Variants in MED16 observed in about 807,000 individuals in gnomAD.
MED16 encodes mediator complex subunit 16.
MED16 carries 81 observed loss-of-function variants against 84.4 expected under a neutral mutation model. That is an observed-to-expected ratio of 0.96 (90% CI 0.80 to 1.15). MED16 has a LOEUF of 1.15. Among genes scored for constraint, MED16 ranks in the 50% most tolerant of loss-of-function variants. The pLI is 0.00. For missense variants in MED16, 1,585 were observed against 1,245.9 expected (o/e 1.27, Z -4.10); for synonymous variants, 897 against 552.2 (o/e 1.62, Z -8.76).
intron 11 of MED16, chr19:872,856 G>C (rs1213758993): frequency 2.9e-6 from 2 of 681,028 alleles, no homozygotes; most frequent in African/African-American, 2.0e-5. Context: ...AGCAGGGCCT[G>C]GGAGGCGGGG....
chr19:881,094 G>A (rs4806813), intron 7 of MED16, among the ~76,000 whole-genome samples: 25,462 of 152,050 alleles, frequency 0.17, 2,722 homozygotes, highest in East Asian at 0.58. Context: ...AAGAACGGGA[G>A]CTGGGGGAAG....
At chr19:887,270 G>A (rs1370275105) in intron 4 of MED16, among the ~76,000 whole-genome samples, 1 of 152,186 alleles carries the variant, frequency 6.6e-6, no homozygotes, top group African/African-American at 2.4e-5. Flanking sequence ...TTGCCATGGC[G>A]ACGACTCATC....
At chr19:887,122 T>C (rs1305909379) in intron 4 of MED16, among the ~76,000 whole-genome samples, 1 of 150,602 alleles carries the variant, frequency 6.6e-6, no homozygotes, top group Non-Finnish European at 1.5e-5. Flanking sequence ...CTCTACGTTG[T>C]GAAAAAATGC....
chr19:870,031 C>T (rs1300605469), intron 13 of MED16, among the ~76,000 whole-genome samples: 1 of 152,198 alleles, frequency 6.6e-6, no homozygotes, highest in Non-Finnish European at 1.5e-5. Flanking sequence ...TTGGGTTGCC[C>T]AAACCCCGCA....
chr19:888,387 G>A (rs2145252347), intron 4 of MED16, among the ~76,000 whole-genome samples: 1 of 151,788 alleles, frequency 6.6e-6, no homozygotes, highest in South Asian at 2.1e-4. Context: ...AGCCAGGTGT[G>A]GTGGTGGGTG....
At position 889,726 on chromosome 19, in the gene MED16, C is replaced by T. The variant is rs2036594932; in HGVS notation, c.359G>A (p.Ser120Asn). Residue 120 changes from serine to asparagine, a missense_variant, in exon 4 of 16, where the codon AGC becomes AAC. Physicochemically the swap from Ser to Asn is conservative, Grantham distance 46. Transcript: ENST00000325464. ...CCCCTCCACTAGGCTGCCCACTGAG[C>T]TCTCCCAGCTATTAGCCAGGTGGTC... is the stretch of plus-strand genomic sequence containing the variant. ...MADHLANSWESSVGSLVEGDP... is the reference protein window; with the variant it reads ...MADHLANSWENSVGSLVEGDP... 1.9e-6 allele frequency: 3 copies of T among 1,613,734 alleles called. No individual in the cohort carries two copies. Among genetic ancestry groups the T allele is most frequent in the South Asian group, 2.2e-5 (2 of 91,026 alleles).
At chr19:883,683 C>T (rs2036466812) in intron 6 of MED16, among the ~76,000 whole-genome samples, 1 of 152,128 alleles carries the variant, frequency 6.6e-6, no homozygotes, top group East Asian at 1.9e-4. Flanking sequence ...CAGGACTGCC[C>T]AGTGGCTTGG....
chr19:871,572 C>T (rs889877598), intron 12 of MED16: 4 of 1,594,774 alleles, frequency 2.5e-6, no homozygotes, highest in Non-Finnish European at 3.4e-6. Flanking sequence ...CTCACATACA[C>T]ACAACCCGAC....
At chr19:883,649 G>A (rs989176803) in intron 6 of MED16, among the ~76,000 whole-genome samples, 71 of 152,248 alleles carry the variant, frequency 4.7e-4, no homozygotes, top group African/African-American at 1.7e-3. Flanking sequence ...ACGGCTGCAG[G>A]AGACGAGGAG....
chr19:880,527 A>G (rs899132707), intron 7 of MED16, among the ~76,000 whole-genome samples: 2 of 151,414 alleles, frequency 1.3e-5, no homozygotes, highest in African/African-American at 4.9e-5. Context: ...TGGGGCTGTC[A>G]CTCACACTGG....
intron 6 of MED16, 121 bp downstream of exon 6, chr19:884,782 C>T (rs2965294): frequency 1.1e-5 from 8 of 720,170 alleles, no homozygotes; most frequent in Admixed American, 4.6e-5. Context: ...CGAGGCGAGA[C>T]GATCGCTTAG....
intron 10 of MED16, among the ~76,000 whole-genome samples, chr19:873,892 G>GC (rs1399980460): frequency 6.6e-6 from 1 of 152,100 alleles, no homozygotes; most frequent in Non-Finnish European, 1.5e-5. Flanking sequence ...GTGCACATCT[G>GC]CCCCCTGCTC....
intron 6 of MED16, among the ~76,000 whole-genome samples, chr19:884,099 G>C (rs1048884776): frequency 1.3e-5 from 2 of 152,106 alleles, no homozygotes; most frequent in African/African-American, 4.8e-5. Context: ...TGCCCCACCT[G>C]CCCCACGTGC....
At chr19:879,371 GCCCCA>G (rs2036355819) in intron 8 of MED16, among the ~76,000 whole-genome samples, 1 of 99,878 alleles carries the variant, frequency 1.0e-5, no homozygotes, top group Non-Finnish European at 2.0e-5. Flanking sequence ...ATGCCCACCA[GCCCCA>G]GCCGCACATG....
Position 872,931 on chromosome 19 carries a change from A to AGGAGGGCTCCGAGGTGGG in MED16, c.1905+500_1905+517dup, listed in dbSNP as rs545538885. The AGGAGGGCTCCGAGGTGGG allele has an allele frequency of 1.3e-5, 13 of 984,740 alleles. No individual in the cohort carries two copies. In the African/African-American group the frequency reaches 1.4e-4, roughly 10 times the overall value. 61.0% of individuals were successfully genotyped at this position (984,740 alleles called of 1,614,324 possible). ...TTCTTACAGCAGAGGCTTCATGGAG[A>AGGAGGGCTCCGAGGTGGG]GGAGGGCTCCGAGGTGGGGGAGGGC... is the stretch of plus-strand genomic sequence containing the variant. On this transcript the variant is annotated intron_variant, in intron 11 of 15. Transcript: ENST00000325464.
At chr19:869,709 C>T (rs1377412020) in intron 13 of MED16, among the ~76,000 whole-genome samples, 4 of 152,182 alleles carry the variant, frequency 2.6e-5, no homozygotes, top group Non-Finnish European at 4.4e-5. Flanking sequence ...GGGCCTTCCC[C>T]GGAGCAGGGC....
Position 871,020 on chromosome 19 carries a change from T to G in MED16, c.2315+17A>C, listed in dbSNP as rs1015893573. 4 of 1,533,920 alleles carry G rather than the reference T, an allele frequency of 2.6e-6. No homozygotes were observed. Among genetic ancestry groups the G allele is most frequent in the Non-Finnish European group, 3.5e-6 (4 of 1,135,960 alleles). ...AAGGAGTCCTGTGTTTGGGGACCAA[T>G]GCAGGGACACACGCACCTGGCGAGG... On this transcript the variant is annotated intron_variant, in intron 13 of 15. Coordinates refer to ENST00000325464, the MANE Select transcript of MED16 (RefSeq NM_005481.3).
Position 871,210 on chromosome 19 carries a change from C to A in MED16, c.2142G>T (p.Val714=), listed in dbSNP as rs2036043531. The A allele has an allele frequency of 1.3e-6, 2 of 1,549,758 alleles. No homozygotes were observed. Among genetic ancestry groups the A allele is most frequent in the Non-Finnish European group, 1.7e-6 (2 of 1,146,144 alleles). Residue 714 remains valine, a synonymous_variant, in exon 13 of 16, where the codon GTG becomes GTT. Transcript: ENST00000325464. Reference sequence around the variant, plus strand: ...GGCTGGGCAGCAGGCAGCATTCATCCACCAGCGCCTCGTCCGGCTCGCTCG... The same window carrying A: ...GGCTGGGCAGCAGGCAGCATTCATCAACCAGCGCCTCGTCCGGCTCGCTCG... ...GPASEPDEAL[V]DECCLLPSQL... is the part of the protein sequence containing the mutation.
chr19:887,361 T>C (rs1286216445), intron 4 of MED16, among the ~76,000 whole-genome samples: 2 of 152,104 alleles, frequency 1.3e-5, no homozygotes, highest in Non-Finnish European at 2.9e-5. Flanking sequence ...TGCCTTTTAT[T>C]AATGTAATTA....
Sources: allele counts gnomAD v4.1 joint callset (sites outside exome capture counted in the v4.1 genomes callset), GRCh38; gene constraint gnomAD v4.1.1; transcripts MANE v1.5; gene names NCBI Gene and HGNC (gene_info 2026-07-23, HGNC 2026-07-21).